KLF13: variants seen among roughly 807,000 people sequenced by gnomAD.
KLF13 encodes Krueppel-like factor 13.
Under a neutral mutation model 16.7 loss-of-function variants are expected in KLF13, and 8 were observed. The ratio of observed to expected loss-of-function variants is 0.48; its 90% CI spans 0.28 to 0.87. The LOEUF is 0.87. Ranked by LOEUF, KLF13 falls within the 40% of genes least tolerant of loss-of-function variation. The pLI is 0.10. For synonymous variants in KLF13, 245 were observed against 208.4 expected, an observed-to-expected ratio of 1.18 and a Z score of -1.51; for missense variants, 447 against 452.2, an observed-to-expected ratio of 0.99 and a Z score of 0.10.
chr15:31,361,406 C>T (rs2039382151), intron 1 of KLF13, among the ~76,000 whole-genome samples: 1 of 152,182 alleles, frequency 6.6e-6, no homozygotes, highest in South Asian at 2.1e-4. Context: ...TTCCTGTCTT[C>T]CGGGTTGGTA....
downstream of KLF13, among the ~76,000 whole-genome samples, chr15:31,407,959 T>C (rs2040147741): frequency 6.6e-6 from 1 of 152,216 alleles, no homozygotes; most frequent in South Asian, 2.1e-4. Flanking sequence ...ACTAGAGACA[T>C]TCCTACTAAG....
At chr15:31,329,724 G>A (rs895919604) in intron 1 of KLF13, among the ~76,000 whole-genome samples, 1 of 152,238 alleles carries the variant, frequency 6.6e-6, no homozygotes, top group Non-Finnish European at 1.5e-5. Context: ...CCAACCCTTT[G>A]AGTGTCTGCA....
Position 31,372,420 on chromosome 15 carries a change from C to G in KLF13, c.*121C>G. On this transcript the variant is annotated 3_prime_UTR_variant, in exon 2 of 2. Coordinates refer to ENST00000307145, the MANE Select transcript of KLF13 (RefSeq NM_015995.4). ...TCCACGAAAAAACAATTTTTTTCAC[C>G]TCAGGTGTCAAAGTAAATTTGTTAA... 3 of 1,091,052 alleles carry G rather than the reference C, an allele frequency of 2.7e-6. No homozygotes were observed. Among genetic ancestry groups the G allele is most frequent in the Non-Finnish European group, 3.6e-6 (3 of 823,376 alleles). The allele number at this position is 1,091,052 out of a possible 1,614,324, so 67.6% of individuals were successfully genotyped here. A position where few individuals can be genotyped will look rare whatever the true frequency, so the allele number is the denominator to read the frequency against.
rs539718523 is a variant in KLF13, at chr15:31,430,348, T to A, written n.118-5022T>A. Among the ~76,000 whole-genome samples the A allele has an allele frequency of 5.3e-5, 8 of 152,320 alleles. No individual in the cohort carries two copies. In the South Asian group the frequency reaches 1.7e-3, roughly 32 times the overall value. Reference sequence around the variant, plus strand: ...AAAATGGGTGTCTTAGTCTGTGTCATGCTGCTATCACAGTACACCAAGGAT... The same window carrying A: ...AAAATGGGTGTCTTAGTCTGTGTCAAGCTGCTATCACAGTACACCAAGGAT... On this transcript the variant is annotated intron_variant and non_coding_transcript_variant, in intron 1 of 1. Coordinates refer to the KLF13 transcript ENST00000558225.
At chr15:31,391,043 A>G (rs1318086625), upstream of KLF13, among the ~76,000 whole-genome samples, 1 of 114,026 alleles carries the variant, frequency 8.8e-6, no homozygotes, top group Non-Finnish European at 1.7e-5. Flanking sequence ...TCTCAACTGC[A>G]TGGGGCTTCT....
chr15:31,371,753 T>C (rs2039557700), intron 1 of KLF13, among the ~76,000 whole-genome samples: 1 of 152,204 alleles, frequency 6.6e-6, no homozygotes, highest in South Asian at 2.1e-4. Flanking sequence ...TACCTACCCA[T>C]GGGCCCTGCA....
intron 1 of KLF13, among the ~76,000 whole-genome samples, chr15:31,342,348 G>A (rs1302857624): frequency 2.0e-5 from 3 of 152,200 alleles, no homozygotes; most frequent in African/African-American, 7.2e-5. Context: ...TCTTGGGTGA[G>A]GATGCCGGCT....
chr15:31,380,930 C>T (rs529184378), downstream of KLF13, among the ~76,000 whole-genome samples: 134 of 152,258 alleles, frequency 8.8e-4, 1 homozygote, highest in African/African-American at 3.2e-3. Context: ...TCCCAGCATT[C>T]TGGAAGGCCA....
intron 1 of KLF13, among the ~76,000 whole-genome samples, chr15:31,368,370 A>T (rs1275756057): frequency 6.6e-6 from 1 of 152,228 alleles, no homozygotes; most frequent in Non-Finnish European, 1.5e-5. Context: ...TGAATCTCCA[A>T]GAGTGGAATT....
intron 1 of KLF13, among the ~76,000 whole-genome samples, chr15:31,415,798 T>C (rs138290489): frequency 6.6e-6 from 1 of 151,264 alleles, no homozygotes; most frequent in East Asian, 1.9e-4. Context: ...ATCAATGAAA[T>C]AGAGAATAAA....
chr15:31,327,907 C>A, intron 1 of KLF13, 118 bp downstream of exon 1: 1 of 1,105,110 alleles, frequency 9.0e-7, no homozygotes, highest in Non-Finnish European at 1.1e-6. Flanking sequence ...CCGGAACGCC[C>A]GGGGCCTCGC....
chr15:31,363,350 C>CT (rs2039417825), intron 1 of KLF13, among the ~76,000 whole-genome samples: 1 of 152,204 alleles, frequency 6.6e-6, no homozygotes, highest in South Asian at 2.1e-4. Context: ...CCTGTGAGCT[C>CT]TTTCTGTATT....
At chr15:31,333,672 G>T (rs1021962979) in intron 1 of KLF13, among the ~76,000 whole-genome samples, 1 of 151,920 alleles carries the variant, frequency 6.6e-6, no homozygotes, top group African/African-American at 2.4e-5. Context: ...TCCATATTCA[G>T]TTCCCCTAGT....
At chr15:31,434,804 C>T (rs771931929) in intron 1 of KLF13, among the ~76,000 whole-genome samples, 7 of 152,222 alleles carry the variant, frequency 4.6e-5, no homozygotes, top group African/African-American at 9.6e-5. Flanking sequence ...CCGTCAATGC[C>T]GGCGCGCAGC....
intron 1 of KLF13, among the ~76,000 whole-genome samples, chr15:31,344,598 C>G (rs1428173666): frequency 1.3e-5 from 2 of 152,224 alleles, no homozygotes; most frequent in Admixed American, 1.3e-4. Flanking sequence ...CCCTGTTTCT[C>G]TTCTGGACTG....
At chr15:31,414,463 A>G (rs966486918) in intron 1 of KLF13, among the ~76,000 whole-genome samples, 1 of 152,208 alleles carries the variant, frequency 6.6e-6, no homozygotes, top group African/African-American at 2.4e-5. Context: ...TACTTACTAT[A>G]TGTTGTCTGC....
chr15:31,423,122 C>T lies in KLF13; in HGVS notation n.118-12248C>T, dbSNP rs1169137325. On this transcript the variant is annotated intron_variant and non_coding_transcript_variant, in intron 1 of 1. Coordinates refer to the KLF13 transcript ENST00000558225. Reference sequence around the variant, plus strand: ...ATACGTATACGTATACGTATATATACGTATATATACGTATACGTATACGTA... The same window carrying T: ...ATACGTATACGTATACGTATATATATGTATATATACGTATACGTATACGTA... Among the ~76,000 whole-genome samples the T allele has an allele frequency of 1.4e-4, 17 of 123,244 alleles. 3 individuals are homozygous for T. Among genetic ancestry groups the T allele is most frequent in the East Asian group, 1.1e-3 (5 of 4,644 alleles). 80.9% of individuals were successfully genotyped at this position (123,244 alleles called of 152,430 possible). A position where few individuals can be genotyped will look rare whatever the true frequency, so the allele number is the denominator to read the frequency against.
At chr15:31,360,498 G>C (rs924860893) in intron 1 of KLF13, among the ~76,000 whole-genome samples, 2 of 152,206 alleles carry the variant, frequency 1.3e-5, no homozygotes, top group Admixed American at 1.3e-4. Context: ...CTGCAAGAGG[G>C]TTTTTGAACA....
chr15:31,389,301 G>C (rs899782893), upstream of KLF13, among the ~76,000 whole-genome samples: 1 of 152,132 alleles, frequency 6.6e-6, no homozygotes. Context: ...ACATACAAAA[G>C]ATGTGTTAAT....
Sources: allele counts gnomAD v4.1 joint callset (sites outside exome capture counted in the v4.1 genomes callset), GRCh38; gene constraint gnomAD v4.1.1; transcripts MANE v1.5; gene names NCBI Gene and HGNC (gene_info 2026-07-23, HGNC 2026-07-21).